SLC4A8: variants seen among roughly 807,000 people sequenced by gnomAD.
The protein encoded by SLC4A8 is electroneutral sodium bicarbonate exchanger 1.
A neutral mutation model predicts 125.0 loss-of-function variants in SLC4A8; 40 were observed. The ratio of observed to expected loss-of-function variants is 0.32; its 90% confidence interval spans 0.25 to 0.42. The LOEUF is 0.42. SLC4A8 is among the 10% of genes least tolerant of loss of function. The probability of loss-of-function intolerance (pLI) is 1.00; values close to 1 mark genes in which losing one functional copy is unlikely to be tolerated. For synonymous variants in SLC4A8, 456 were observed against 476.0 expected, an observed-to-expected ratio of 0.96 and a Z score of 0.55; for missense variants, 863 against 1,355.1, an observed-to-expected ratio of 0.64 and a Z score of 5.70.
In SLC4A8 at chr12:51,513,168, G is replaced by T. The variant is rs1938423381; in HGVS notation, c.*5730G>T. ...TGCTAGCCATAACTTTTAGGGAAGG[G>T]TAGGTCTGGAGAGAAGGTGAAGACC... On this transcript the variant is annotated 3_prime_UTR_variant, in exon 25 of 25. Coordinates refer to ENST00000453097, the MANE Select transcript of SLC4A8 (RefSeq NM_001039960.3). The T allele has an allele frequency of 6.6e-6, 1 of 152,230 alleles. No individual in the cohort carries two copies. The highest frequency in any genetic ancestry group is 1.5e-5 in the Non-Finnish European group (1 of 68,042). The allele number at this position is 152,230 out of a possible 1,614,324, so 9.4% of individuals were successfully genotyped here.
At chr12:51,419,476 A>G (rs527878978) in intron 1 of SLC4A8, among the ~76,000 whole-genome samples, 1 of 152,346 alleles carries the variant, frequency 6.6e-6, no homozygotes, top group African/African-American at 2.4e-5. Flanking sequence ...TTAGACATGG[A>G]TAAGATAAAT....
upstream of SLC4A8, among the ~76,000 whole-genome samples, chr12:51,423,081 C>T (rs953237666): frequency 6.6e-6 from 1 of 152,200 alleles, no homozygotes; most frequent in Non-Finnish European, 1.5e-5. Flanking sequence ...TAAAAGCATT[C>T]ATATTTACTA....
intron 1 of SLC4A8, among the ~76,000 whole-genome samples, chr12:51,429,242 G>T (rs17125765): frequency 6.6e-6 from 1 of 152,144 alleles, no homozygotes; most frequent in Admixed American, 6.5e-5. Context: ...AAGTGCCAGG[G>T]TTGCTTGTGG....
intron 2 of SLC4A8, among the ~76,000 whole-genome samples, chr12:51,443,349 G>GT (rs1949660562): frequency 1.3e-5 from 2 of 152,192 alleles, no homozygotes; most frequent in Admixed American, 6.5e-5. Flanking sequence ...TAGAAACTTT[G>GT]TAAGTGTGGG....
At position 51,450,877 on chromosome 12, in the gene SLC4A8, T is replaced by A. The variant is rs762772388; in HGVS notation, c.132T>A (p.Gly44=). Residue 44 remains glycine (G), a splice_region_variant and synonymous_variant, in exon 3 of 25, where the codon GGT becomes GGA. Coordinates refer to ENST00000453097, the MANE Select transcript of SLC4A8 (RefSeq NM_001039960.3). ...NIHYEKEELE[G]HRTLYVGVRM... ...CACAGACCTTCTGCTTCTTTCCAGG[T>A]CACAGAACTCTGTATGTGGGAGTTC... 2 of 1,613,286 alleles carry A rather than the reference T, an allele frequency of 1.2e-6. No homozygotes were observed. Among genetic ancestry groups the A allele is most frequent in the South Asian group, 2.2e-5 (2 of 90,898 alleles).
rs115926146 is a variant in SLC4A8 at position 51,491,098 on chromosome 12, A to G, written c.2700+1147A>G. 4.1e-3 allele frequency among the ~76,000 whole-genome samples: 623 copies of G among 152,120 alleles called. 5 individuals carry two copies. The highest frequency in any genetic ancestry group is 0.014 in the African/African-American group (600 of 41,476). The stretch of plus-strand genomic sequence containing the variant: ...GGTTTCTGACTTGACCATCTGGTGG[A>G]GTGTGATGGCATTTATTAAGATGGA... On this transcript the variant is annotated intron_variant, in intron 19 of 24. Transcript: ENST00000453097.
chr12:51,433,545 TC>T (rs1949264611), intron 1 of SLC4A8, among the ~76,000 whole-genome samples: 1 of 152,276 alleles, frequency 6.6e-6, no homozygotes, highest in South Asian at 2.1e-4. Context: ...TCACACATAT[TC>T]CCACAGATCC....
At position 51,481,174 on chromosome 12, in the gene SLC4A8, A is replaced by T. The variant is rs140833361; in HGVS notation, c.2173-4613A>T. 7.6e-4 allele frequency among the ~76,000 whole-genome samples: 115 copies of T among 152,214 alleles called. 1 individual carries two copies. The highest frequency in any genetic ancestry group is 3.4e-3 in the Middle Eastern group (1 of 294). On this transcript the variant is annotated intron_variant, in intron 16 of 24. Coordinates refer to ENST00000453097, the MANE Select transcript of SLC4A8 (RefSeq NM_001039960.3). ...AGAGATTTAGATGTTATATTTTTGG[A>T]TTATTACAGAGTATACACCCAAGTT...
rs111523530 is a variant in SLC4A8, at chr12:51,454,268, G to A, written c.574+569G>A. ...GTCAAGATTGTGCCACTGCACTCCA[G>A]CCTAGGTAGCAGAGTGAGTGTAGGG... is the stretch of plus-strand genomic sequence containing the variant. On this transcript the variant is annotated intron_variant, in intron 5 of 24. Transcript: ENST00000453097. Among the ~76,000 whole-genome samples, 866 of 152,120 alleles carry A rather than the reference G, an allele frequency of 5.7e-3. 11 individuals are homozygous for A. Among genetic ancestry groups the A allele is most frequent in the African/African-American group, 0.02 (810 of 41,480 alleles).
intron 16 of SLC4A8, among the ~76,000 whole-genome samples, chr12:51,477,528 T>C (rs1950890988): frequency 6.6e-6 from 1 of 152,260 alleles, no homozygotes; most frequent in Admixed American, 6.5e-5. Context: ...AGCAGCATTA[T>C]ATTGTACTTT....
At chr12:51,441,700 CATGTGAA>C (rs1949604014) in intron 2 of SLC4A8, among the ~76,000 whole-genome samples, 1 of 152,224 alleles carries the variant, frequency 6.6e-6, no homozygotes, top group Non-Finnish European at 1.5e-5. Flanking sequence ...CCTGAGACAG[CATGTGAA>C]ATGTTCTCTC....
intron 1 of SLC4A8, among the ~76,000 whole-genome samples, chr12:51,396,925 A>ATT (rs753146267): frequency 0.17 from 17,725 of 106,148 alleles, 2,349 homozygotes; most frequent in African/African-American, 0.26. Context: ...GCCTTAGTTA[A>ATT]TTTTTTTTTT....
At chr12:51,496,423 G>A (rs11611519) in intron 21 of SLC4A8, among the ~76,000 whole-genome samples, 5,114 of 152,274 alleles carry the variant, frequency 0.034, 169 homozygotes, top group Non-Finnish European at 0.044. Flanking sequence ...CAGATTTTAG[G>A]CGAGTCACTT....
At chr12:51,463,508 C>A in intron 10 of SLC4A8, 106 bp from the exon 11 acceptor site, 2 of 718,816 alleles carry the variant, frequency 2.8e-6, no homozygotes, top group East Asian at 2.5e-5. Context: ...GCTACAAACA[C>A]GGGCATTTTT....
Position 51,460,030 on chromosome 12 carries a change from A to G in SLC4A8, c.935A>G (p.Asp312Gly). 1 of 1,613,546 alleles carries G rather than the reference A, an allele frequency of 6.2e-7. No homozygotes were observed. Among genetic ancestry groups the G allele is most frequent in the Non-Finnish European group, 8.5e-7 (1 of 1,179,480 alleles). Reference protein sequence around the residue: ...NVLVGEVDILDRPIVAFVRLS... With the variant: ...NVLVGEVDILGRPIVAFVRLS... ...CTGGTTGGAGAGGTGGATATTTTGG[A>G]CCGTCCCATTGTTGCCTTTGTGAGG... Residue 312 changes from aspartate (D) to glycine (G), a missense_variant, in exon 8 of 25, where the codon GAC becomes GGC. Physicochemically the swap from Asp to Gly is moderately conservative, Grantham distance 94. This residue lies in a region of SLC4A8 where 390 missense variants were observed against 634.4 expected (regional missense o/e 0.61). Transcript: ENST00000453097.
chr12:51,462,045 A>G (rs1950342383), intron 9 of SLC4A8: 1 of 342,460 alleles, frequency 2.9e-6, no homozygotes, highest in East Asian at 6.2e-5. Flanking sequence ...TGGAGATAAC[A>G]TAATTGTACA....
chr12:51,443,144 G>A (rs1288445192), intron 2 of SLC4A8, among the ~76,000 whole-genome samples: 1 of 151,948 alleles, frequency 6.6e-6, no homozygotes, highest in East Asian at 1.9e-4. Context: ...TGTTTTTTGA[G>A]GCAGTCTTGC....
rs1437542964 is a variant in SLC4A8, at chr12:51,513,729, AGGCTTGAGCTACT to A, written c.*6293_*6305del. On this transcript the variant is annotated 3_prime_UTR_variant, in exon 25 of 25. Coordinates refer to ENST00000453097, the MANE Select transcript of SLC4A8 (RefSeq NM_001039960.3). ...TGGCCTCCCAAAGTGCTGGGATTAC[AGGCTTGAGCTACT>A]GCGCCCGGCCAGTGATTGGCTTTTA... is the stretch of plus-strand genomic sequence containing the variant. The A allele has an allele frequency of 6.6e-6, 1 of 152,306 alleles. No homozygotes were observed. The highest frequency in any genetic ancestry group is 1.5e-5 in the Non-Finnish European group (1 of 68,094). The allele number at this position is 152,306 out of a possible 1,614,324, so 9.4% of individuals were successfully genotyped here. A position where few individuals can be genotyped will look rare whatever the true frequency, so the allele number is the denominator to read the frequency against.
chr12:51,491,737 GCAGACACACACACA>G (rs1309055517), intron 19 of SLC4A8, among the ~76,000 whole-genome samples: 2 of 126,826 alleles, frequency 1.6e-5, no homozygotes, highest in Non-Finnish European at 3.2e-5. Context: ...CTGGGGATGG[GCAGACACACACACA>G]CACACACACA....
Sources: gnomAD v4.1 joint callset for allele counts (sites outside exome capture counted in the v4.1 genomes callset) on GRCh38, gnomAD v4.1.1 for gene constraint, gnomAD v4.1.1 regional missense constraint, MANE v1.5 for transcripts, NCBI Gene and HGNC (gene_info 2026-07-23, HGNC 2026-07-21) for gene names.